CLHC1: variants seen among roughly 807,000 people sequenced by gnomAD.
CLHC1 encodes clathrin heavy chain linker domain-containing protein 1.
Under a neutral mutation model 69.5 loss-of-function variants are expected in CLHC1, and 72 were observed. The ratio of observed to expected loss-of-function variants is 1.04; its 90% CI spans 0.86 to 1.26. CLHC1 has a LOEUF of 1.26. Ranked by LOEUF, CLHC1 falls within the 50% of genes most tolerant of loss-of-function variation. The pLI, the probability that CLHC1 is intolerant of heterozygous loss-of-function variation, is 0.00. For synonymous variants in CLHC1, 223 were observed against 224.3 expected (o/e 0.99, Z 0.05); for missense variants, 790 against 679.3 (o/e 1.16, Z -1.81).
Position 55,222,402 on chromosome 2 carries a change from G to T in CLHC1, c.10C>A (p.His4Asn). 7 of 1,612,862 alleles carry T rather than the reference G, an allele frequency of 4.3e-6. No individual in the cohort carries two copies. Among genetic ancestry groups the T allele is most frequent in the South Asian group, 1.1e-5 (1 of 90,934 alleles). Residue 4 changes from histidine (H) to asparagine (N), a missense_variant, in exon 3 of 13, where the codon CAT becomes AAT. Physicochemically the swap from His to Asn is moderately conservative, Grantham distance 68 (BLOSUM62 1). Coordinates refer to ENST00000401408, the MANE Select transcript of CLHC1 (RefSeq NM_152385.4). ...AGAACTGCATGTTTTCTTATTTGAT[G>T]AACTGACATATTTGACAATCTGCAC... is the stretch of plus-strand genomic sequence containing the variant. MSV[H>N]QIRKHAVLPP...
rs11347337 is a variant in CLHC1 at position 55,172,701 on chromosome 2, T to TAAAAAA, written c.*3083_*3088dup. ...GAGCTTTCTATGAAATGTACAAAGT[T>TAAAAAA]AAAAAAAAAAAAAAAGGCCTCTGCT... On this transcript the variant is annotated 3_prime_UTR_variant, in exon 13 of 13. Transcript: ENST00000401408. Among the ~76,000 whole-genome samples, 1 of 143,016 alleles carries TAAAAAA rather than the reference T, an allele frequency of 7.0e-6. No individual in the cohort carries two copies. The allele number at this position is 143,016 out of a possible 152,430, so 93.8% of individuals were successfully genotyped here. A position where few individuals can be genotyped will look rare whatever the true frequency, so the allele number is the denominator to read the frequency against.
At chr2:55,192,091 G>C (rs1573636605) in intron 9 of CLHC1, among the ~76,000 whole-genome samples, 1 of 151,920 alleles carries the variant, frequency 6.6e-6, no homozygotes, top group Non-Finnish European at 1.5e-5. Context: ...CCAACTAAAA[G>C]GCAAAGACTG....
At chr2:55,208,817 A>ACAG in intron 7 of CLHC1, 107 bp from the exon 8 acceptor site, 1 of 652,284 alleles carries the variant, frequency 1.5e-6, no homozygotes, top group Non-Finnish European at 2.7e-6. Context: ...ATGGCTCCTA[A>ACAG]CAGCAGCAAC....
chr2:55,181,633 C>A lies in CLHC1; in HGVS notation c.1118G>T (p.Gly373Val). The change falls in exon 10 of 13, where the codon GGA becomes GTA. Residue 373 changes from glycine to valine, a missense_variant. By Grantham distance (109) the Gly-to-Val change is moderately radical. Coordinates refer to ENST00000401408, the MANE Select transcript of CLHC1 (RefSeq NM_152385.4). ...CPVDAALTLE[G>V]IKCGLSEKRL... ...TTTTTCTGATAATCCACATTTGATT[C>A]CTTCCAGGGTTAGAGCTGCATCAAC... 6.2e-7 allele frequency: 1 copy of A among 1,613,512 alleles called. No individual in the cohort carries two copies. The highest frequency in any genetic ancestry group is 8.5e-7 in the Non-Finnish European group (1 of 1,179,818).
At chr2:55,203,581 A>T (rs529024260) in intron 9 of CLHC1, among the ~76,000 whole-genome samples, 12 of 152,302 alleles carry the variant, frequency 7.9e-5, no homozygotes, top group African/African-American at 2.4e-4. Flanking sequence ...TCTTCAGTAA[A>T]TGGTGCTGGG....
chr2:55,229,601 A>G (rs1246678867), intron 1 of CLHC1, among the ~76,000 whole-genome samples: 1 of 152,204 alleles, frequency 6.6e-6, no homozygotes, highest in Non-Finnish European at 1.5e-5. Context: ...GTTTAGAAAA[A>G]GAGGTCCCTT....
intron 9 of CLHC1, among the ~76,000 whole-genome samples, chr2:55,194,718 C>A (rs1461490644): frequency 6.6e-6 from 1 of 152,074 alleles, no homozygotes; most frequent in Non-Finnish European, 1.5e-5. Flanking sequence ...ATACAAAAGT[C>A]AACTGAATTT....
intron 4 of CLHC1, among the ~76,000 whole-genome samples, 174 bp downstream of exon 4, chr2:55,217,637 G>A (rs1264056644): frequency 7.7e-6 from 1 of 130,128 alleles, no homozygotes; most frequent in Non-Finnish European, 1.6e-5. Context: ...TTTAATTGAA[G>A]TAAGTAAACA....
At chr2:55,181,790 G>A in intron 9 of CLHC1, 46 bp from the exon 10 acceptor site, 2 of 1,509,328 alleles carry the variant, frequency 1.3e-6, no homozygotes, top group Non-Finnish European at 1.8e-6. Context: ...TTAAGAAATA[G>A]TTTGCTTTTT....
intron 9 of CLHC1, among the ~76,000 whole-genome samples, chr2:55,196,916 TC>T (rs1016548212): frequency 2.0e-5 from 3 of 152,176 alleles, no homozygotes; most frequent in African/African-American, 7.2e-5. Context: ...TTCCAGCACT[TC>T]GTTCTTGGAT....
At chr2:55,208,332 TATA>T (rs1187408043) in intron 8 of CLHC1, among the ~76,000 whole-genome samples, 1 of 152,214 alleles carries the variant, frequency 6.6e-6, no homozygotes, top group African/African-American at 2.4e-5. Flanking sequence ...GGCAATTTTA[TATA>T]ATATTTCTAA....
At position 55,208,640 on chromosome 2, in the gene CLHC1, A is replaced by C; in HGVS notation, c.885T>G (p.Leu295=). The stretch of plus-strand genomic sequence containing the variant: ...AAAATATTTGCCTTTCAATGTAGTG[A>C]AGCATAATTTCAGCTTCTTTTGCCC... The part of the protein sequence containing the change: ...PRRAKEAEIM[L]HYIERFNELI... Residue 295 remains leucine (L), a synonymous_variant, in exon 8 of 13, where the codon CTT becomes CTG. Coordinates refer to ENST00000401408, the MANE Select transcript of CLHC1 (RefSeq NM_152385.4). 1 of 1,605,670 alleles carries C rather than the reference A, an allele frequency of 6.2e-7. No homozygotes were observed. The highest frequency in any genetic ancestry group is 8.5e-7 in the Non-Finnish European group (1 of 1,172,772).
chr2:55,212,936 AG>A, intron 4 of CLHC1, 130 bp from the exon 5 acceptor site: 1 of 666,406 alleles, frequency 1.5e-6, no homozygotes, highest in African/African-American at 1.8e-5. Context: ...GCCCTGAAAA[AG>A]TTATCTAGCC....
chr2:55,197,523 AG>A (rs1671540256), intron 9 of CLHC1, among the ~76,000 whole-genome samples: 1 of 152,228 alleles, frequency 6.6e-6, no homozygotes, highest in Non-Finnish European at 1.5e-5. Context: ...CTAGATCACA[AG>A]GACTGCAACT....
intron 9 of CLHC1, among the ~76,000 whole-genome samples, chr2:55,188,339 A>G (rs945300976): frequency 3.3e-5 from 5 of 152,122 alleles, no homozygotes; most frequent in Non-Finnish European, 7.3e-5. Context: ...ATGTGTATAC[A>G]TATATATGAA....
intron 9 of CLHC1, among the ~76,000 whole-genome samples, chr2:55,182,040 G>A (rs1368505744): frequency 2.6e-5 from 4 of 152,046 alleles, no homozygotes; most frequent in African/African-American, 9.7e-5. Flanking sequence ...ATCTCCCTTA[G>A]AGCCTCCAGA....
intron 9 of CLHC1, among the ~76,000 whole-genome samples, chr2:55,188,342 T>C (rs1395471019): frequency 1.3e-5 from 2 of 152,090 alleles, no homozygotes; most frequent in African/African-American, 2.4e-5. Context: ...TGTATACATA[T>C]ATATGAAAAG....
intron 9 of CLHC1, among the ~76,000 whole-genome samples, chr2:55,202,292 A>G (rs1166017721): frequency 6.6e-6 from 1 of 151,030 alleles, no homozygotes; most frequent in Non-Finnish European, 1.5e-5. Context: ...GCGGTGGCTC[A>G]TGCCTGTAAT....
In CLHC1 at chr2:55,186,159, T is replaced by C. The variant is rs536807052; in HGVS notation, c.1007-4415A>G. Among the ~76,000 whole-genome samples the C allele has an allele frequency of 6.8e-4, 103 of 152,274 alleles. 1 individual carries two copies. The highest frequency in any genetic ancestry group is 2.4e-3 in the African/African-American group (100 of 41,550). On this transcript the variant is annotated intron_variant, in intron 9 of 12. Coordinates refer to ENST00000401408, the MANE Select transcript of CLHC1 (RefSeq NM_152385.4). ...GGGAATGAAGTCTGAATTTCAGTTA[T>C]GTATGTGATTCAGGAAGTCAAAGCC...
Sources: gnomAD v4.1 joint callset for allele counts (sites outside exome capture counted in the v4.1 genomes callset) on GRCh38, gnomAD v4.1.1 for gene constraint, MANE v1.5 for transcripts, NCBI Gene and HGNC (gene_info 2026-07-23, HGNC 2026-07-21) for gene names.